Variants in EXOC4 observed in about 807,000 individuals in gnomAD.
The protein encoded by EXOC4 is exocyst complex component 4, also known as SEC8-like 1.
A neutral mutation model predicts 107.2 loss-of-function variants in EXOC4; 71 were observed. The ratio of observed to expected loss-of-function variants is 0.66; its 90% CI spans 0.55 to 0.81. EXOC4 has a LOEUF of 0.81. Among genes scored for constraint, EXOC4 ranks in the 30% least tolerant of loss-of-function variants. EXOC4 has a pLI of 0.00. For synonymous variants in EXOC4, 456 were observed against 441.2 expected (o/e 1.03, Z -0.42); for missense variants, 1,108 against 1,189.6 (o/e 0.93, Z 1.01).
rs78513277 is a variant in EXOC4, at chr7:133,382,622, A to G, written c.1182+7620A>G. On this transcript the variant is annotated intron_variant, in intron 7 of 17. Transcript: ENST00000253861. ...GAATACTAGAAGCCTTTAGTTAAAT[A>G]TGTAACAGCATGAATGAAGATGATG... is the stretch of plus-strand genomic sequence containing the variant. Among the ~76,000 whole-genome samples the G allele has an allele frequency of 6.5e-3, 989 of 152,306 alleles. 32 individuals carry two copies. The East Asian group carries it at 0.093, about 14-fold the overall frequency.
In EXOC4 at chr7:134,007,831, G is replaced by A; in HGVS notation, c.2683G>A (p.Ala895Thr). The change falls in exon 17 of 18, where the codon GCA (alanine) becomes ACA (threonine). Residue 895 changes from alanine (A) to threonine (T), a missense_variant. Transcript: ENST00000253861. ...TMSREADLDF[A>T]RQYYEMLYNT... ...GTCGCGGGAGGCAGACCTGGACTTTGCAAGGTAGGAGGGAAAACTGGGTTT... is the reference window on the plus strand; with the variant it reads ...GTCGCGGGAGGCAGACCTGGACTTTACAAGGTAGGAGGGAAAACTGGGTTT... The A allele has an allele frequency of 6.2e-7, 1 of 1,611,666 alleles. No individual in the cohort carries two copies. The highest frequency in any genetic ancestry group is 8.5e-7 in the Non-Finnish European group (1 of 1,178,786).
chr7:133,859,895 C>A (rs4731983), intron 11 of EXOC4, among the ~76,000 whole-genome samples: 152,318 of 152,318 alleles, frequency 1, 76,159 homozygotes, highest in Non-Finnish European at 1. Flanking sequence ...TTGGTATGCC[C>A]AAGCTCTTTA....
At chr7:133,481,872 C>T (rs1222271881) in intron 9 of EXOC4, among the ~76,000 whole-genome samples, 1 of 152,156 alleles carries the variant, frequency 6.6e-6, no homozygotes, top group Non-Finnish European at 1.5e-5. Context: ...CTCTAGCAGG[C>T]TTTCTCTGCC....
chr7:133,753,097 T>G (rs1467467134), intron 10 of EXOC4, among the ~76,000 whole-genome samples: 1 of 152,266 alleles, frequency 6.6e-6, no homozygotes, highest in East Asian at 1.9e-4. Flanking sequence ...TTCGTCATAT[T>G]GACCAACTCT....
the EXOC4 span, among the ~76,000 whole-genome samples, chr7:134,091,456 T>C: frequency 2.6e-5 from 4 of 152,178 alleles, no homozygotes; most frequent in Non-Finnish European, 5.9e-5. Context: ...AGTCGGCTTC[T>C]TTACTGCAAC....
intron 10 of EXOC4, among the ~76,000 whole-genome samples, chr7:133,660,936 T>C (rs1803425525): frequency 6.6e-6 from 1 of 152,140 alleles, no homozygotes; most frequent in South Asian, 2.1e-4. Context: ...TAACAGTCAT[T>C]TGATATTTTA....
intron 9 of EXOC4, among the ~76,000 whole-genome samples, chr7:133,557,757 T>TAGAC (rs1800721799): frequency 6.6e-6 from 1 of 152,042 alleles, no homozygotes; most frequent in Non-Finnish European, 1.5e-5. Context: ...TTGGGAGGCC[T>TAGAC]AGACAGACAG....
At chr7:133,499,607 T>C (rs1212453188) in intron 9 of EXOC4, among the ~76,000 whole-genome samples, 1 of 152,184 alleles carries the variant, frequency 6.6e-6, no homozygotes, top group Non-Finnish European at 1.5e-5. Flanking sequence ...TGATATGGTT[T>C]AGATATGTGT....
chr7:133,406,724 T>G (rs1797229387), intron 7 of EXOC4, among the ~76,000 whole-genome samples: 1 of 152,240 alleles, frequency 6.6e-6, no homozygotes, highest in Non-Finnish European at 1.5e-5. Context: ...TGTATCTGCT[T>G]CTGCAGAAAG....
chr7:133,460,603 C>A (rs910150146), intron 7 of EXOC4, among the ~76,000 whole-genome samples: 1 of 151,880 alleles, frequency 6.6e-6, no homozygotes, highest in Non-Finnish European at 1.5e-5. Flanking sequence ...GGCAACAAAA[C>A]TGATAAAATA....
At chr7:133,451,939 TA>T (rs529439846) in intron 7 of EXOC4, among the ~76,000 whole-genome samples, 28 of 152,218 alleles carry the variant, frequency 1.8e-4, no homozygotes, top group African/African-American at 4.6e-4. Flanking sequence ...ATTACCTTTT[TA>T]AAAAAAATAT....
At chr7:133,748,680 G>C (rs147199323) in intron 10 of EXOC4, among the ~76,000 whole-genome samples, 5 of 152,278 alleles carry the variant, frequency 3.3e-5, no homozygotes, top group Non-Finnish European at 5.9e-5. Flanking sequence ...TCCCTTCCCT[G>C]AGAGGGTCAT....
intron 14 of EXOC4, among the ~76,000 whole-genome samples, chr7:133,995,389 A>G (rs938177024): frequency 6.6e-6 from 1 of 152,100 alleles, no homozygotes; most frequent in Non-Finnish European, 1.5e-5. Context: ...TACGTAGATA[A>G]CTCTCCATGC....
At chr7:134,007,149 T>C (rs927306455) in intron 16 of EXOC4, among the ~76,000 whole-genome samples, 39 of 152,236 alleles carry the variant, frequency 2.6e-4, no homozygotes, top group Admixed American at 2.6e-3. Flanking sequence ...ATTTATTTTT[T>C]ACTTGGCAAT....
chr7:133,695,774 A>G (rs1450505737), intron 10 of EXOC4, among the ~76,000 whole-genome samples: 1 of 152,152 alleles, frequency 6.6e-6, no homozygotes, highest in African/African-American at 2.4e-5. Context: ...TGTCTCAGCA[A>G]TTTACAAATT....
chr7:133,931,678 T>G (rs1206667803), intron 13 of EXOC4, among the ~76,000 whole-genome samples: 2 of 152,122 alleles, frequency 1.3e-5, no homozygotes, highest in African/African-American at 4.8e-5. Context: ...ATAATAAATC[T>G]CTCATACTAA....
chr7:133,348,980 A>T (rs144613795), intron 5 of EXOC4, among the ~76,000 whole-genome samples: 100 of 152,240 alleles, frequency 6.6e-4, no homozygotes, highest in East Asian at 5.4e-3. Flanking sequence ...TGGTCATTAT[A>T]CCTCTTTCTA....
At chr7:133,941,244 G>C (rs1012974422) in intron 14 of EXOC4, among the ~76,000 whole-genome samples, 1 of 151,908 alleles carries the variant, frequency 6.6e-6, no homozygotes, top group East Asian at 1.9e-4. Flanking sequence ...TGATCCGCCC[G>C]CCTCGGCCTC....
chr7:134,094,480 G>C, the EXOC4 span, among the ~76,000 whole-genome samples: 1 of 152,034 alleles, frequency 6.6e-6, no homozygotes, highest in Non-Finnish European at 1.5e-5. Flanking sequence ...AATTCTACCA[G>C]ACATACAAAC....
Sources: gnomAD v4.1 joint callset for allele counts (sites outside exome capture counted in the v4.1 genomes callset) on GRCh38, gnomAD v4.1.1 for gene constraint, MANE v1.5 for transcripts, NCBI Gene and HGNC (gene_info 2026-07-23, HGNC 2026-07-21) for gene names.